Variants in FBN1 observed in about 807,000 individuals in gnomAD.
FBN1 encodes fibrillin 1.
In FBN1, 29 loss-of-function variants were observed where a neutral mutation model predicts 365.1. The observed-to-expected ratio is 0.08, with a 90% CI of 0.06 to 0.11. The LOEUF (loss-of-function observed/expected upper bound fraction) is 0.11. FBN1 is among the 10% of genes least tolerant of loss of function. FBN1 has a pLI of 1.00. For synonymous variants in FBN1, 1,210 were observed against 1,270.5 expected, an observed-to-expected ratio of 0.95 and a Z score of 1.01; for missense variants, 2,476 against 3,703.2, an observed-to-expected ratio of 0.67 and a Z score of 8.60.
At chr15:48,468,671 G>T in intron 36 of FBN1, 137 bp from the exon 37 acceptor site, 1 of 838,326 alleles carries the variant, frequency 1.2e-6, no homozygotes, top group Non-Finnish European at 2.0e-6. Context: ...TAGAAATGCA[G>T]TCTTCCACTT....
At chr15:48,630,731 C>CA (rs11393587) in intron 2 of FBN1, among the ~76,000 whole-genome samples, 72,067 of 110,950 alleles carry the variant, frequency 0.65, 25,654 homozygotes, top group East Asian at 0.86. Context: ...GACTCCATCT[C>CA]AAAAAAAAAA....
chr15:48,610,035 G>A lies in FBN1; in HGVS notation c.346+693C>T, dbSNP rs564560614. 1.1e-4 allele frequency among the ~76,000 whole-genome samples: 16 copies of A among 152,250 alleles called. No homozygotes were observed. In the South Asian group the frequency reaches 2.7e-3, roughly 26 times the overall value. ...AAAAAGAAACGGAAAAGGGACCTACGTTTTTTGCCATGGGGACGGTCAAAG... is the reference window on the plus strand; with the variant it reads ...AAAAAGAAACGGAAAAGGGACCTACATTTTTTGCCATGGGGACGGTCAAAG... On this transcript the variant is annotated intron_variant, in intron 4 of 65. Transcript: ENST00000316623.
At chr15:48,412,965 C>T (rs2042876293) in intron 64 of FBN1, among the ~76,000 whole-genome samples, 1 of 152,188 alleles carries the variant, frequency 6.6e-6, no homozygotes, top group South Asian at 2.1e-4. Context: ...CTATCAAGAC[C>T]CTGTCTTGGA....
intron 15 of FBN1, among the ~76,000 whole-genome samples, chr15:48,505,735 G>A (rs1182925263): frequency 6.6e-6 from 1 of 152,130 alleles, no homozygotes; most frequent in African/African-American, 2.4e-5. Flanking sequence ...GTATGCAGTT[G>A]GAACCCAGCA....
chr15:48,614,251 T>C (rs1401569613), intron 2 of FBN1, among the ~76,000 whole-genome samples: 1 of 152,200 alleles, frequency 6.6e-6, no homozygotes, highest in East Asian at 1.9e-4. Context: ...GTCAAATGTT[T>C]TGCAATCAAT....
At chr15:48,526,019 T>C in intron 9 of FBN1, 111 bp downstream of exon 9, 4 of 1,428,504 alleles carry the variant, frequency 2.8e-6, no homozygotes, top group Non-Finnish European at 3.9e-6. Flanking sequence ...AAAATGTACA[T>C]TTTACCTCAG....
Position 48,473,057 on chromosome 15 carries a change from T to C in FBN1, c.4211-381A>G, listed in dbSNP as rs531832541. On this transcript the variant is annotated intron_variant, in intron 34 of 65. Coordinates refer to ENST00000316623, the MANE Select transcript of FBN1 (RefSeq NM_000138.5). ...CAAAAGTGCAAAAGAATGGCAACCA[T>C]AGGGAGAAGAAAAATTCCATCTGCT... 2.0e-4 allele frequency among the ~76,000 whole-genome samples: 30 copies of C among 152,322 alleles called. No individual in the cohort carries two copies. In the South Asian group the frequency reaches 6.0e-3, roughly 31 times the overall value.
At chr15:48,591,788 G>A (rs1192344134) in intron 6 of FBN1, among the ~76,000 whole-genome samples, 2 of 151,954 alleles carry the variant, frequency 1.3e-5, no homozygotes, top group Non-Finnish European at 2.9e-5. Flanking sequence ...AGAGTTATGA[G>A]TGGCCCCTTT....
intron 48 of FBN1, among the ~76,000 whole-genome samples, 170 bp downstream of exon 48, chr15:48,445,206 A>ATG (rs1442503817): frequency 7.1e-6 from 1 of 141,076 alleles, no homozygotes; most frequent in Non-Finnish European, 1.5e-5. Flanking sequence ...ACATATATAT[A>ATG]TGTGTATATA....
chr15:48,421,908 A>G, intron 61 of FBN1, 44 bp downstream of exon 61: 1 of 1,448,644 alleles, frequency 6.9e-7, no homozygotes, highest in East Asian at 2.3e-5. Flanking sequence ...ATCCCTTAAA[A>G]GAATCGCTAC....
chr15:48,635,990 A>G (rs1890084263), intron 2 of FBN1, among the ~76,000 whole-genome samples: 1 of 152,234 alleles, frequency 6.6e-6, no homozygotes, highest in Non-Finnish European at 1.5e-5. Flanking sequence ...AACTTAAAGT[A>G]TCTGATTAGC....
At chr15:48,421,094 T>A (rs564355558) in intron 62 of FBN1, among the ~76,000 whole-genome samples, 12 of 151,666 alleles carry the variant, frequency 7.9e-5, no homozygotes, top group African/African-American at 2.7e-4. Context: ...TTTTTTTTTT[T>A]ATTTTTGGTG....
chr15:48,493,815 T>C (rs1420361743), intron 23 of FBN1, among the ~76,000 whole-genome samples: 1 of 152,196 alleles, frequency 6.6e-6, no homozygotes, highest in East Asian at 1.9e-4. Flanking sequence ...GAAAACAGAA[T>C]GTGTCCTTCT....
intron 6 of FBN1, among the ~76,000 whole-genome samples, chr15:48,564,117 T>C (rs2044243107): frequency 6.6e-6 from 1 of 152,102 alleles, no homozygotes; most frequent in African/African-American, 2.4e-5. Context: ...GGCTGTAATG[T>C]TTGGTATGGG....
chr15:48,615,329 C>G (rs1889631405), intron 2 of FBN1, among the ~76,000 whole-genome samples: 2 of 151,896 alleles, frequency 1.3e-5, no homozygotes, highest in African/African-American at 4.8e-5. Context: ...TAATATGTCA[C>G]AGTCATAGTG....
chr15:48,408,458 T>A lies in FBN1; in HGVS notation c.*2532A>T, dbSNP rs1449848700. On this transcript the variant is annotated 3_prime_UTR_variant, in exon 66 of 66. Coordinates refer to ENST00000316623, the MANE Select transcript of FBN1 (RefSeq NM_000138.5). ...ACAAAAATGTAGTTGTTTGTGCAAG[T>A]TTAAACATTTCACAAGGCCAGCTGA... 2 of 152,634 alleles carry A rather than the reference T, an allele frequency of 1.3e-5. No individual in the cohort carries two copies. Among genetic ancestry groups the A allele is most frequent in the East Asian group, 3.8e-4 (2 of 5,200 alleles). The allele number at this position is 152,634 out of a possible 1,614,324, so 9.5% of individuals were successfully genotyped here. A position where few individuals can be genotyped will look rare whatever the true frequency, so the allele number is the denominator to read the frequency against.
rs148076256 is a variant in FBN1, at chr15:48,489,907, G to C, written c.3026C>G (p.Pro1009Arg). ...TTTTGTGGCAAATCCGGGTCCTCTC[G>C]GACACAGCTCCTCGTACTCAGGAGT... ...RNTPEYEELC[P>R]RGPGFATKEI... Residue 1009 changes from proline to arginine, a missense_variant, in exon 25 of 66, where the codon CCG (proline) becomes CGG (arginine). Transcript: ENST00000316623. 8.4e-5 allele frequency: 136 copies of C among 1,613,960 alleles called. No homozygotes were observed. The highest frequency in any genetic ancestry group is 1.0e-4 in the Non-Finnish European group (119 of 1,180,030).
chr15:48,480,904 A>T (rs978578307), intron 32 of FBN1, among the ~76,000 whole-genome samples: 1 of 152,234 alleles, frequency 6.6e-6, no homozygotes, highest in African/African-American at 2.4e-5. Context: ...TAACTAGAGT[A>T]AAACTTTATT....
chr15:48,543,622 A>G (rs2044074866), intron 6 of FBN1, among the ~76,000 whole-genome samples: 1 of 152,214 alleles, frequency 6.6e-6, no homozygotes. Flanking sequence ...AACTCAGAAC[A>G]TGTGATATTT....
Sources: gnomAD v4.1 joint callset for allele counts (sites outside exome capture counted in the v4.1 genomes callset) on GRCh38, gnomAD v4.1.1 for gene constraint, MANE v1.5 for transcripts, NCBI Gene and HGNC (gene_info 2026-07-23, HGNC 2026-07-21) for gene names.